FGD4: variants seen among roughly 807,000 people sequenced by gnomAD.
FGD4 encodes FYVE, RhoGEF and PH domain containing 4, also known as FYVE, RhoGEF and PH domain-containing protein 4.
In FGD4, 42 loss-of-function variants were observed where a neutral mutation model predicts 102.0. That is an observed-to-expected ratio of 0.41 (90% CI 0.32 to 0.53). The LOEUF (loss-of-function observed/expected upper bound fraction) is 0.53, where lower values mean the gene tolerates loss of function less well. FGD4 is among the 20% of genes least tolerant of loss of function. FGD4 has a pLI of 0.21. For missense variants in FGD4, 902 were observed against 1,078.2 expected (o/e 0.84, Z 2.29); for synonymous variants, 380 against 375.7 (o/e 1.01, Z -0.13).
chr12:32,460,041 TAC>T (rs1313079741), intron 1 of FGD4, among the ~76,000 whole-genome samples: 1 of 152,152 alleles, frequency 6.6e-6, no homozygotes, highest in Non-Finnish European at 1.5e-5. Flanking sequence ...ACGAGGCCTT[TAC>T]AGTCACAAAT....
rs1012915532 is a variant in FGD4, at chr12:32,466,884, A to G, written c.166+66925A>G. On this transcript the variant is annotated intron_variant, in intron 1 of 16. Transcript: ENST00000534526. Reference sequence around the variant, plus strand: ...GTCTGTCTCAAAAAAAAAAAAAAAAAAAAAAAAATTAGCAATTACACCTCC... The same window carrying G: ...GTCTGTCTCAAAAAAAAAAAAAAAAGAAAAAAAATTAGCAATTACACCTCC... 6.6e-5 allele frequency among the ~76,000 whole-genome samples: 10 copies of G among 151,544 alleles called. No individual in the cohort carries two copies. The South Asian group carries it at 8.3e-4, about 13-fold the overall frequency.
intron 1 of FGD4, among the ~76,000 whole-genome samples, chr12:32,465,656 GACA>G (rs1457743982): frequency 6.6e-6 from 1 of 150,406 alleles, no homozygotes; most frequent in Non-Finnish European, 1.5e-5. Flanking sequence ...GACAGAGCAA[GACA>G]ACGTCTTAAA....
At chr12:32,610,663 T>G in intron 8 of FGD4, 113 bp from the exon 9 acceptor site, 1 of 903,160 alleles carries the variant, frequency 1.1e-6, no homozygotes, top group Non-Finnish European at 1.7e-6. Context: ...AAAATGCCAC[T>G]ATTTTTGTTG....
intron 1 of FGD4, among the ~76,000 whole-genome samples, chr12:32,548,498 G>A (rs1943409262): frequency 6.6e-6 from 1 of 152,104 alleles, no homozygotes; most frequent in Admixed American, 6.6e-5. Context: ...TATGATACTT[G>A]CTTCCTGTAC....
chr12:32,488,722 T>C (rs1382800304), intron 1 of FGD4, among the ~76,000 whole-genome samples: 1 of 152,132 alleles, frequency 6.6e-6, no homozygotes, highest in Non-Finnish European at 1.5e-5. Context: ...GGGCGGATCA[T>C]GAGGTCAGGA....
chr12:32,524,520 C>G (rs1355848215), intron 1 of FGD4, among the ~76,000 whole-genome samples: 3 of 67,646 alleles, frequency 4.4e-5, no homozygotes, highest in Middle Eastern at 8.9e-3. Context: ...AGCTATAATT[C>G]AAATAAAAAA....
intron 1 of FGD4, among the ~76,000 whole-genome samples, chr12:32,419,505 A>G (rs1407695901): frequency 6.6e-6 from 1 of 151,998 alleles, no homozygotes; most frequent in Non-Finnish European, 1.5e-5. Flanking sequence ...ATTTCTCCCC[A>G]CCACGCAGCC....
At chr12:32,460,502 CAA>C (rs111317093) in intron 1 of FGD4, among the ~76,000 whole-genome samples, 12 of 127,368 alleles carry the variant, frequency 9.4e-5, no homozygotes, top group Admixed American at 2.4e-4. Context: ...GACCCGGTCT[CAA>C]AAAAAAAAAA....
At chr12:32,626,925 G>A (rs1415022199) in intron 14 of FGD4, among the ~76,000 whole-genome samples, 1 of 152,010 alleles carries the variant, frequency 6.6e-6, no homozygotes, top group Non-Finnish European at 1.5e-5. Context: ...TCGGTTCACC[G>A]CAACCTCCGC....
chr12:32,613,532 G>A (rs1386765120), intron 10 of FGD4, among the ~76,000 whole-genome samples: 1 of 152,064 alleles, frequency 6.6e-6, no homozygotes, highest in Non-Finnish European at 1.5e-5. Context: ...ACAGGAAGAT[G>A]GCTTGAGCTT....
chr12:32,504,074 G>A (rs796832998), intron 1 of FGD4, among the ~76,000 whole-genome samples: 7 of 152,272 alleles, frequency 4.6e-5, no homozygotes, highest in African/African-American at 1.7e-4. Context: ...TTAATTGGAT[G>A]TTAATGTTAG....
rs1175850432 is a variant in FGD4 at position 32,506,180 on chromosome 12, A to G, written c.167-57957A>G. On this transcript the variant is annotated intron_variant, in intron 1 of 16. Transcript: ENST00000534526. The surrounding 1 kb of genome is among the most constrained non-coding windows in gnomAD (Gnocchi z 4.5). Reference sequence around the variant, plus strand: ...CACTGTTGTCTTTAAGAGGAGCACAACATTGGGGTGTTACCCTAAAATCCC... The same window carrying G: ...CACTGTTGTCTTTAAGAGGAGCACAGCATTGGGGTGTTACCCTAAAATCCC... Among the ~76,000 whole-genome samples, 1 of 152,334 alleles carries G rather than the reference A, an allele frequency of 6.6e-6. No homozygotes were observed. The highest frequency in any genetic ancestry group is 2.1e-4 in the South Asian group (1 of 4,826).
intron 12 of FGD4, 36 bp from the exon 13 acceptor site, chr12:32,624,940 C>CT: frequency 6.4e-7 from 1 of 1,554,592 alleles, no homozygotes. Context: ...ATATGAGAAA[C>CT]TTTAATGTGT....
At chr12:32,558,831 T>C (rs1944317045) in intron 1 of FGD4, among the ~76,000 whole-genome samples, 1 of 152,202 alleles carries the variant, frequency 6.6e-6, no homozygotes, top group East Asian at 1.9e-4. Flanking sequence ...TGTCTAGGGA[T>C]TCCTATAGGA....
In FGD4 at chr12:32,564,014, GGGGAGA is replaced by G. The variant is rs371242429; in HGVS notation, c.167-111_167-106del. The G allele has an allele frequency of 0.11, 95,236 of 898,300 alleles. 6,362 individuals carry two copies. The highest frequency in any genetic ancestry group is 0.18 in the Admixed American group (6,070 of 34,472). The allele number at this position is 898,300 out of a possible 1,614,324, so 55.6% of individuals were successfully genotyped here. On this transcript the variant is annotated intron_variant, in intron 1 of 16. Transcript: ENST00000534526. ...TGGAAAGAGAGGGAGACCGTGGAAA[GGGGAGA>G]GGGAGAGGGAGGGGGAGGGGGAGGG...
chr12:32,513,462 G>A (rs145279306), intron 1 of FGD4, among the ~76,000 whole-genome samples: 22 of 152,268 alleles, frequency 1.4e-4, no homozygotes, highest in Non-Finnish European at 2.9e-4. Flanking sequence ...TTTTTAAGCT[G>A]CCAGGCAACA....
At position 32,619,687 on chromosome 12, in the gene FGD4, G is replaced by A. The variant is rs373895531; in HGVS notation, c.1750-11G>A. ...CTTTTCTTTACTGATATATGTTCTC[G>A]TTCCTTGCAGTTCAACAACATGTTG... is the stretch of plus-strand genomic sequence containing the variant. On this transcript the variant is annotated splice_polypyrimidine_tract_variant and intron_variant, in intron 10 of 16. Transcript: ENST00000534526. 51 of 1,613,730 alleles carry A rather than the reference G, an allele frequency of 3.2e-5. No individual in the cohort carries two copies. The African/African-American group carries it at 3.3e-4, about 11-fold the overall frequency.
At chr12:32,632,585 G>T (rs66996003) in intron 14 of FGD4, among the ~76,000 whole-genome samples, 30,296 of 152,084 alleles carry the variant, frequency 0.2, 3,786 homozygotes, top group African/African-American at 0.35. Flanking sequence ...CAGGACTTTG[G>T]AGGCCATGAT....
At chr12:32,509,671 C>T (rs1939162090) in intron 1 of FGD4, among the ~76,000 whole-genome samples, 1 of 152,062 alleles carries the variant, frequency 6.6e-6, no homozygotes, top group Admixed American at 6.5e-5. Context: ...ATAGAATCCC[C>T]CTGTAATTTA....
Sources: allele counts gnomAD v4.1 joint callset (sites outside exome capture counted in the v4.1 genomes callset), GRCh38; gene constraint gnomAD v4.1.1; non-coding constraint Gnocchi (gnomAD v3.1); transcripts MANE v1.5; gene names NCBI Gene and HGNC (gene_info 2026-07-23, HGNC 2026-07-21).